FBXO34: variants seen among roughly 807,000 people sequenced by gnomAD.
The protein encoded by FBXO34 is F-box only protein 34.
Under a neutral mutation model 24.5 loss-of-function variants are expected in FBXO34, and 12 were observed. The observed-to-expected ratio is 0.49, with a 90% CI of 0.31 to 0.79. The LOEUF is 0.79. Ranked by LOEUF, FBXO34 falls within the 30% of genes least tolerant of loss-of-function variation. The probability of loss-of-function intolerance (pLI) is 0.04; values close to 1 mark genes in which losing one functional copy is unlikely to be tolerated. For synonymous variants in FBXO34, 320 were observed against 311.9 expected, an observed-to-expected ratio of 1.03 and a Z score of -0.27; for missense variants, 823 against 857.7, an observed-to-expected ratio of 0.96 and a Z score of 0.51.
intron 1 of FBXO34, among the ~76,000 whole-genome samples, chr14:55,332,200 C>T (rs1289642919): frequency 6.6e-6 from 1 of 151,424 alleles, no homozygotes; most frequent in Non-Finnish European, 1.5e-5. Context: ...CTTTCATTTT[C>T]ATTCATTAAA....
In FBXO34 at chr14:55,351,453, G is replaced by A; in HGVS notation, c.1063G>A (p.Ala355Thr). The change falls in exon 2 of 2, where the codon GCT becomes ACT. Residue 355 changes from alanine (A) to threonine (T), a missense_variant. Transcript: ENST00000313833. The stretch of plus-strand genomic sequence containing the variant: ...ATCTGTGGATTGTGGCCCTTCAAGA[G>A]CTGATCGTTGTTCTCCTAAGGAGGA... ...SVSVDCGPSR[A>T]DRCSPKEDQA... is the part of the protein sequence containing the mutation. The A allele has an allele frequency of 6.2e-7, 1 of 1,614,190 alleles. No individual in the cohort carries two copies. The highest frequency in any genetic ancestry group is 8.5e-7 in the Non-Finnish European group (1 of 1,180,032).
intron 1 of FBXO34, 32 bp from the exon 2 acceptor site, chr14:55,350,349 T>G (rs1212609681): frequency 2.1e-6 from 3 of 1,445,870 alleles, no homozygotes; most frequent in Non-Finnish European, 2.7e-6. Flanking sequence ...CAAAATTGGT[T>G]TCTGAATCAA....
downstream of FBXO34, among the ~76,000 whole-genome samples, chr14:55,371,217 G>A (rs1230192856): frequency 6.6e-6 from 1 of 152,216 alleles, no homozygotes; most frequent in Non-Finnish European, 1.5e-5. Flanking sequence ...AGAAATGAGA[G>A]CCTAGAATCG....
At chr14:55,408,653 C>T in the FBXO34 span, among the ~76,000 whole-genome samples, 2 of 152,134 alleles carry the variant, frequency 1.3e-5, no homozygotes, top group Non-Finnish European at 2.9e-5. Flanking sequence ...TGCCTGTAGT[C>T]CCACCTACTC....
chr14:55,332,135 C>T (rs1214947328), intron 1 of FBXO34, among the ~76,000 whole-genome samples: 2 of 149,460 alleles, frequency 1.3e-5, no homozygotes, highest in African/African-American at 2.4e-5. Flanking sequence ...AACTCATTCT[C>T]ACTACTTTTC....
chr14:55,414,119 G>T, the FBXO34 span: 1 of 561,898 alleles, frequency 1.8e-6, no homozygotes, highest in Middle Eastern at 4.8e-4. Context: ...GAGTCTTCAT[G>T]ATGCTACAAT....
At chr14:55,390,134 G>A in the FBXO34 span, among the ~76,000 whole-genome samples, 8 of 151,802 alleles carry the variant, frequency 5.3e-5, no homozygotes, top group Middle Eastern at 3.4e-3. Flanking sequence ...GCAATGGCAC[G>A]ATCTCAGCTC....
chr14:55,436,722 G>A, the FBXO34 span: 5 of 1,614,206 alleles, frequency 3.1e-6, no homozygotes, highest in East Asian at 1.1e-4. Flanking sequence ...TTGACAAACT[G>A]CTGCTGTTTA....
At chr14:55,355,498 T>TA (rs1358985645), downstream of FBXO34, among the ~76,000 whole-genome samples, 2 of 152,320 alleles carry the variant, frequency 1.3e-5, no homozygotes, top group East Asian at 3.9e-4. Flanking sequence ...AGATTTAAAA[T>TA]ACTCAGAAAA....
chr14:55,296,434 C>A (rs542805529), intron 1 of FBXO34, among the ~76,000 whole-genome samples: 1 of 118,108 alleles, frequency 8.5e-6, no homozygotes, highest in African/African-American at 3.3e-5. Flanking sequence ...CTCGCTCTGT[C>A]GCCCAGGTTG....
In FBXO34 at chr14:55,351,662, C is replaced by G; in HGVS notation, c.1272C>G (p.Ala424=). Reference sequence around the variant, plus strand: ...TTTCCTCTCATACCTATTCCCAAGCCTCTGAATTGCCCACAGATGCTGTTG... The same window carrying G: ...TTTCCTCTCATACCTATTCCCAAGCGTCTGAATTGCCCACAGATGCTGTTG... ...LPFSSHTYSQ[A]SELPTDAVDC... is the part of the protein sequence containing the mutation. The change falls in exon 2 of 2, where the codon GCC becomes GCG. Residue 424 remains alanine (A), a synonymous_variant. Transcript: ENST00000313833. The G allele has an allele frequency of 6.2e-7, 1 of 1,614,198 alleles. No homozygotes were observed. The highest frequency in any genetic ancestry group is 2.2e-5 in the East Asian group (1 of 44,886).
intron 1 of FBXO34, among the ~76,000 whole-genome samples, chr14:55,306,844 A>AAACAAAACAG (rs1261742240): frequency 6.6e-6 from 1 of 151,952 alleles, no homozygotes; most frequent in Non-Finnish European, 1.5e-5. Context: ...AAACAAAACA[A>AAACAAAACAG]AACAAAACAA....
At chr14:55,301,856 C>T (rs1057501836) in intron 1 of FBXO34, among the ~76,000 whole-genome samples, 1 of 152,264 alleles carries the variant, frequency 6.6e-6, no homozygotes, top group East Asian at 1.9e-4. Flanking sequence ...GTCATGTGTA[C>T]CATACCACAG....
chr14:55,389,221 G>A, the FBXO34 span, among the ~76,000 whole-genome samples: 2 of 152,306 alleles, frequency 1.3e-5, no homozygotes, highest in South Asian at 2.1e-4. Flanking sequence ...AGAGAAACAC[G>A]CATGATCAGT....
chr14:55,307,316 T>A (rs923519941), intron 1 of FBXO34, among the ~76,000 whole-genome samples: 2 of 152,238 alleles, frequency 1.3e-5, no homozygotes, highest in Non-Finnish European at 2.9e-5. Context: ...AACTAAAATG[T>A]GTTTGCATAT....
chr14:55,382,393 T>C, the FBXO34 span, among the ~76,000 whole-genome samples: 1 of 152,186 alleles, frequency 6.6e-6, no homozygotes, highest in Non-Finnish European at 1.5e-5. Flanking sequence ...CATAGCTCAC[T>C]GAAGCCTTGA....
the FBXO34 span, among the ~76,000 whole-genome samples, chr14:55,432,188 AC>A: frequency 2.6e-5 from 4 of 151,066 alleles, no homozygotes; most frequent in Admixed American, 6.7e-5. Context: ...TGGGAGGACT[AC>A]TTGAGCCCAG....
At chr14:55,297,587 A>G (rs531521045) in intron 1 of FBXO34, among the ~76,000 whole-genome samples, 1 of 152,344 alleles carries the variant, frequency 6.6e-6, no homozygotes, top group South Asian at 2.1e-4. Flanking sequence ...TATGGTAGTG[A>G]TAGCCTCTAT....
At chr14:55,428,119 CTTTTTTTTTTTT>C in the FBXO34 span, among the ~76,000 whole-genome samples, 1 of 43,360 alleles carries the variant, frequency 2.3e-5, no homozygotes, top group Non-Finnish European at 3.8e-5. Flanking sequence ...CATGCCTTAT[CTTTTTTTTTTTT>C]TTTTTTTTTT....
Sources: allele counts gnomAD v4.1 joint callset (sites outside exome capture counted in the v4.1 genomes callset), GRCh38; gene constraint gnomAD v4.1.1; transcripts MANE v1.5; gene names NCBI Gene and HGNC (gene_info 2026-07-23, HGNC 2026-07-21).